Variants in ST7 observed in about 807,000 individuals in gnomAD.
ST7 encodes the protein suppression of tumorigenicity 7.
A neutral mutation model predicts 78.7 loss-of-function variants in ST7; 28 were observed. The observed-to-expected ratio is 0.36, with a 90% CI of 0.26 to 0.49. ST7 has a LOEUF of 0.49. ST7 is among the 20% of genes least tolerant of loss of function. The pLI is 0.99. For missense variants in ST7, 418 were observed against 696.0 expected, an observed-to-expected ratio of 0.60 and a Z score of 4.49; for synonymous variants, 247 against 249.6, an observed-to-expected ratio of 0.99 and a Z score of 0.10.
intron 1 of ST7, among the ~76,000 whole-genome samples, chr7:116,996,997 C>T (rs910672599): frequency 2.6e-5 from 4 of 152,158 alleles, no homozygotes; most frequent in East Asian, 1.9e-4. Context: ...TTCTTGGTCT[C>T]GCTGACTTCA....
In ST7 at chr7:117,124,669, G is replaced by T. The variant is rs1243844928; in HGVS notation, c.394+4949G>T. On this transcript the variant is annotated intron_variant, in intron 3 of 15. Transcript: ENST00000323984. ...TCGGGCTCTGGGGTCAGACAGATGT[G>T]GTCCTAATCTTCTGTGTGTGACCTT... Among the ~76,000 whole-genome samples the T allele has an allele frequency of 2.0e-5, 3 of 152,060 alleles. No homozygotes were observed. In the East Asian group the frequency reaches 5.8e-4, roughly 29 times the overall value.
intron 3 of ST7, 121 bp from the exon 4 acceptor site, chr7:117,129,672 A>T: frequency 1.3e-6 from 1 of 775,958 alleles, no homozygotes; most frequent in Non-Finnish European, 2.2e-6. Context: ...ATTGCTTCCC[A>T]TGTAAAGGGT....
chr7:117,107,109 A>G (rs1410809805), intron 2 of ST7, among the ~76,000 whole-genome samples: 6 of 151,922 alleles, frequency 3.9e-5, no homozygotes, highest in Non-Finnish European at 8.8e-5. Flanking sequence ...GTGTGTGTGT[A>G]TGTGTATATA....
intron 1 of ST7, among the ~76,000 whole-genome samples, chr7:117,052,488 A>C (rs912187580): frequency 1.3e-5 from 2 of 152,236 alleles, no homozygotes; most frequent in African/African-American, 4.8e-5. Context: ...TTTAATAATA[A>C]CTTTTTTTGT....
intron 1 of ST7, among the ~76,000 whole-genome samples, chr7:117,007,447 TA>T (rs1795203409): frequency 6.6e-6 from 1 of 152,224 alleles, no homozygotes; most frequent in African/African-American, 2.4e-5. Flanking sequence ...GCTTTGAAGC[TA>T]GCAGAGGTTG....
chr7:117,209,304 C>G (rs1792089872), intron 12 of ST7, among the ~76,000 whole-genome samples: 1 of 152,140 alleles, frequency 6.6e-6, no homozygotes, highest in Non-Finnish European at 1.5e-5. Flanking sequence ...ACCTGAGCAG[C>G]TGTGGGTGGC....
intron 1 of ST7, among the ~76,000 whole-genome samples, chr7:117,083,740 T>G (rs982418520): frequency 6.6e-6 from 1 of 152,206 alleles, no homozygotes; most frequent in African/African-American, 2.4e-5. Flanking sequence ...ATGAAGCATA[T>G]TCTCTTAATT....
At chr7:116,990,432 T>C (rs1794375723) in intron 1 of ST7, among the ~76,000 whole-genome samples, 1 of 152,184 alleles carries the variant, frequency 6.6e-6, no homozygotes, top group South Asian at 2.1e-4. Flanking sequence ...GTTAGTGTTG[T>C]TTTGTTTTGT....
intron 9 of ST7, among the ~76,000 whole-genome samples, chr7:117,161,865 G>A (rs1584495332): frequency 6.6e-6 from 1 of 152,004 alleles, no homozygotes. Flanking sequence ...CTCCCAAAGT[G>A]CTGGGATTAC....
intron 9 of ST7, among the ~76,000 whole-genome samples, chr7:117,153,418 T>A (rs1027388099): frequency 1.3e-5 from 2 of 151,846 alleles, no homozygotes; most frequent in Admixed American, 1.3e-4. Flanking sequence ...TGAGTGAAGA[T>A]GAGATTATGG....
At chr7:117,186,022 T>G (rs1169735944) in intron 10 of ST7, among the ~76,000 whole-genome samples, 2 of 152,222 alleles carry the variant, frequency 1.3e-5, no homozygotes, top group Non-Finnish European at 2.9e-5. Flanking sequence ...CATAAAGTTA[T>G]GTGAATGTGG....
At chr7:117,191,417 C>A (rs1047903239) in intron 12 of ST7, among the ~76,000 whole-genome samples, 8 of 152,056 alleles carry the variant, frequency 5.3e-5, no homozygotes, top group African/African-American at 1.9e-4. Context: ...AAGTATTTTG[C>A]TTTGTACCAT....
chr7:117,013,092 T>C (rs1354937003), intron 1 of ST7, among the ~76,000 whole-genome samples: 1 of 152,240 alleles, frequency 6.6e-6, no homozygotes, highest in East Asian at 1.9e-4. Flanking sequence ...ATAAGTGCTT[T>C]AAAAATCCAT....
At chr7:117,074,618 C>T (rs1799214597) in intron 1 of ST7, 1 of 152,180 alleles carries the variant, frequency 6.6e-6, no homozygotes, top group African/African-American at 2.4e-5. Flanking sequence ...TCATTAGATA[C>T]ACTGTGACTT....
intron 1 of ST7, chr7:117,023,072 C>G (rs940057133): frequency 1.1e-4 from 17 of 152,080 alleles, no homozygotes; most frequent in African/African-American, 3.4e-4. Flanking sequence ...CTTTATCTCC[C>G]CCTTGCTCTT....
chr7:117,148,258 A>G (rs1288028981), intron 9 of ST7, among the ~76,000 whole-genome samples: 1 of 152,128 alleles, frequency 6.6e-6, no homozygotes, highest in Non-Finnish European at 1.5e-5. Flanking sequence ...TGTTATTATG[A>G]GTATATAATG....
intron 1 of ST7, among the ~76,000 whole-genome samples, chr7:116,973,704 T>C (rs1310250459): frequency 6.6e-6 from 1 of 152,212 alleles, no homozygotes; most frequent in African/African-American, 2.4e-5. Context: ...GTATAGTTAT[T>C]TTGTGAGTTT....
chr7:117,011,989 C>A (rs1795404248), intron 1 of ST7, among the ~76,000 whole-genome samples: 1 of 152,104 alleles, frequency 6.6e-6, no homozygotes, highest in African/African-American at 2.4e-5. Context: ...ATTTGGAGAA[C>A]TGAAAAGTAG....
At chr7:117,031,373 T>TGG (rs1796472020) in intron 1 of ST7, among the ~76,000 whole-genome samples, 1 of 77,590 alleles carries the variant, frequency 1.3e-5, no homozygotes, top group Non-Finnish European at 3.2e-5. Flanking sequence ...TGTGTGTATA[T>TGG]GTGTGTATAT....
Sources: gnomAD v4.1 joint callset for allele counts (sites outside exome capture counted in the v4.1 genomes callset) on GRCh38, gnomAD v4.1.1 for gene constraint, MANE v1.5 for transcripts, NCBI Gene and HGNC (gene_info 2026-07-23, HGNC 2026-07-21) for gene names.